EEIG1: variants seen among roughly 807,000 people sequenced by gnomAD.
The protein encoded by EEIG1 is estrogen-induced osteoclastogenesis regulator 1, also known as early estrogen-induced gene 1 protein.
chr9:127,960,490 A>C, the EEIG1 span, among the ~76,000 whole-genome samples: 1 of 152,186 alleles, frequency 6.6e-6, no homozygotes, highest in Non-Finnish European at 1.5e-5. Flanking sequence ...GGAAGGGCAA[A>C]GAGAGCAGAG....
At chr9:127,962,987 C>T in the EEIG1 span, among the ~76,000 whole-genome samples, 1 of 152,194 alleles carries the variant, frequency 6.6e-6, no homozygotes, top group African/African-American at 2.4e-5. Flanking sequence ...AAGCAAGGTC[C>T]GGAGAAGGAG....
the EEIG1 span, among the ~76,000 whole-genome samples, chr9:127,949,411 T>C: frequency 1.3e-5 from 2 of 151,964 alleles, no homozygotes; most frequent in Non-Finnish European, 2.9e-5. Flanking sequence ...CCCAAGGCTG[T>C]TGATGAGGGA....
chr9:127,944,782 G>A, the EEIG1 span: 1 of 1,611,888 alleles, frequency 6.2e-7, no homozygotes, highest in East Asian at 2.2e-5. Flanking sequence ...CTCACCCTCG[G>A]TGTTGCTGCC....
At chr9:127,980,947 G>A in the EEIG1 span, among the ~76,000 whole-genome samples, 1 of 149,270 alleles carries the variant, frequency 6.7e-6, no homozygotes, top group South Asian at 2.1e-4. Context: ...CGGCCCCGAC[G>A]CTGCAGCCAG....
At chr9:127,965,744 G>C in the EEIG1 span, among the ~76,000 whole-genome samples, 2 of 152,250 alleles carry the variant, frequency 1.3e-5, no homozygotes, top group African/African-American at 2.4e-5. Context: ...GACAACATCT[G>C]CCTTGTGCTT....
At chr9:127,980,370 C>A in the EEIG1 span, 1 of 468,934 alleles carries the variant, frequency 2.1e-6, no homozygotes, top group South Asian at 2.6e-5. Context: ...GGGTTCGGAG[C>A]GGCCGGGGAC....
chr9:127,978,710 G>A, the EEIG1 span, among the ~76,000 whole-genome samples: 7 of 152,188 alleles, frequency 4.6e-5, no homozygotes, highest in South Asian at 2.1e-4. Flanking sequence ...GGTAGCGTGC[G>A]CCTGTAATCT....
chr9:127,954,936 A>C, the EEIG1 span, among the ~76,000 whole-genome samples: 3 of 152,190 alleles, frequency 2.0e-5, no homozygotes, highest in Admixed American at 6.5e-5. Context: ...CAGCTCATCC[A>C]AGCCCCTCCC....
the EEIG1 span, among the ~76,000 whole-genome samples, chr9:127,949,509 C>T: frequency 1.3e-5 from 2 of 152,166 alleles, no homozygotes; most frequent in Non-Finnish European, 2.9e-5. Context: ...TACCTGGCCC[C>T]CAGGCTCCCT....
chr9:127,953,207 C>A, the EEIG1 span: 1 of 252,020 alleles, frequency 4.0e-6, no homozygotes, highest in South Asian at 8.1e-5. Flanking sequence ...TTCTTTAAAC[C>A]ACACGCATAC....
the EEIG1 span, among the ~76,000 whole-genome samples, chr9:127,966,799 C>A: frequency 1.3e-5 from 2 of 152,226 alleles, no homozygotes; most frequent in Non-Finnish European, 2.9e-5. Context: ...CATCATCTTC[C>A]TGCTTCTACT....
At chr9:127,945,626 G>A in the EEIG1 span, 3 of 1,567,594 alleles carry the variant, frequency 1.9e-6, no homozygotes, top group South Asian at 3.5e-5. This position sits in a 1 kb window ranked among gnomAD's most constrained non-coding sequence, Gnocchi z 6.5. Flanking sequence ...AGGCCACGGG[G>A]GCAGGGCCAG....
chr9:127,962,174 C>A, the EEIG1 span, among the ~76,000 whole-genome samples: 43 of 152,214 alleles, frequency 2.8e-4, no homozygotes, highest in African/African-American at 9.2e-4. Flanking sequence ...TCTACATGAC[C>A]CCATTTTTAT....
At chr9:127,948,205 G>C in the EEIG1 span, 2 of 1,614,054 alleles carry the variant, frequency 1.2e-6, no homozygotes, top group Non-Finnish European at 1.7e-6. Context: ...GATGGAGATG[G>C]ACTTGGCAGT....
the EEIG1 span, among the ~76,000 whole-genome samples, chr9:127,946,332 C>T: frequency 2.0e-5 from 3 of 152,200 alleles, no homozygotes; most frequent in Non-Finnish European, 4.4e-5. Flanking sequence ...ACCCATAAGC[C>T]CAACTTCAAA....
chr9:127,960,038 T>C, the EEIG1 span, among the ~76,000 whole-genome samples: 1 of 152,218 alleles, frequency 6.6e-6, no homozygotes, highest in East Asian at 1.9e-4. Context: ...AATAAAGCTG[T>C]TAAATACATG....
chr9:127,959,099 C>A, the EEIG1 span, among the ~76,000 whole-genome samples: 2 of 152,178 alleles, frequency 1.3e-5, no homozygotes, highest in Non-Finnish European at 2.9e-5. Context: ...TATGGCAATT[C>A]CCCAAAAGGT....
the EEIG1 span, chr9:127,944,152 C>T: frequency 5.2e-6 from 1 of 191,848 alleles, no homozygotes; most frequent in Non-Finnish European, 1.1e-5. Flanking sequence ...TCTGTGGATG[C>T]TGTGTAGGCA....
At chr9:127,972,182 C>T in the EEIG1 span, among the ~76,000 whole-genome samples, 1 of 152,236 alleles carries the variant, frequency 6.6e-6, no homozygotes, top group African/African-American at 2.4e-5. The surrounding 1 kb of genome is among the most constrained non-coding windows in gnomAD (Gnocchi z 4.3). Flanking sequence ...GACGCTCCAA[C>T]TCACCCTGGC....
Sources: gnomAD v4.1 joint callset for allele counts (sites outside exome capture counted in the v4.1 genomes callset) on GRCh38, gnomAD v4.1.1 for gene constraint, Gnocchi (gnomAD v3.1) non-coding constraint, MANE v1.5 for transcripts, NCBI Gene and HGNC (gene_info 2026-07-23, HGNC 2026-07-21) for gene names.